The following PSD2 variants were observed in gnomAD, a reference collection of about 807,000 sequenced individuals.
PSD2 encodes PH and SEC7 domain-containing protein 2.
A neutral mutation model predicts 69.8 loss-of-function variants in PSD2; 38 were observed. The ratio of observed to expected loss-of-function variants is 0.54; its 90% confidence interval spans 0.42 to 0.71. The LOEUF (loss-of-function observed/expected upper bound fraction) is 0.71. PSD2 is among the 30% of genes least tolerant of loss of function. PSD2 has a pLI of 0.00. For synonymous variants in PSD2, 412 were observed against 423.0 expected (o/e 0.97, Z 0.32); for missense variants, 943 against 1,014.5 (o/e 0.93, Z 0.96).
At chr5:139,769,498 G>T in the PSD2 span, among the ~76,000 whole-genome samples, 1 of 151,858 alleles carries the variant, frequency 6.6e-6, no homozygotes, top group Non-Finnish European at 1.5e-5. Context: ...AGCACTTGTG[G>T]CTCCTCAGGC....
the PSD2 span, among the ~76,000 whole-genome samples, chr5:139,769,070 T>A: frequency 2.0e-5 from 3 of 151,972 alleles, no homozygotes; most frequent in Non-Finnish European, 4.4e-5. Flanking sequence ...GCAGTGATGT[T>A]GGAGAAGCAC....
the PSD2 span, among the ~76,000 whole-genome samples, chr5:139,771,936 C>T: frequency 6.6e-6 from 1 of 152,180 alleles, no homozygotes; most frequent in Non-Finnish European, 1.5e-5. Context: ...GCCTCAGAAA[C>T]GGTGTTGCGG....
intron 1 of PSD2, among the ~76,000 whole-genome samples, chr5:139,803,721 G>C (rs1469140074): frequency 6.6e-6 from 1 of 152,030 alleles, no homozygotes; most frequent in African/African-American, 2.4e-5. Flanking sequence ...GGGTTAAGAG[G>C]GTTTAGGGTC....
rs1760907193 is a variant in PSD2 at position 139,842,747 on chromosome 5, C to T, written c.*273C>T. ...TTTGTAGGCCAGTTGTGTGCATGCT[C>T]TAGACACCACCTCGCTGGAGAAGCT... is the stretch of plus-strand genomic sequence containing the variant. On this transcript the variant is annotated 3_prime_UTR_variant, in exon 15 of 15. Transcript: ENST00000274710. 2.4e-6 allele frequency: 1 copy of T among 414,444 alleles called. No homozygotes were observed. The highest frequency in any genetic ancestry group is 4.3e-6 in the Non-Finnish European group (1 of 230,092). 25.7% of individuals were successfully genotyped at this position (414,444 alleles called of 1,614,324 possible).
chr5:139,781,257 C>T, the PSD2 span, among the ~76,000 whole-genome samples: 1 of 152,196 alleles, frequency 6.6e-6, no homozygotes, highest in Non-Finnish European at 1.5e-5. Flanking sequence ...GATTACTTGA[C>T]CAGCTGCAAG....
At chr5:139,806,611 T>G (rs576037997) in intron 1 of PSD2, among the ~76,000 whole-genome samples, 1 of 152,290 alleles carries the variant, frequency 6.6e-6, no homozygotes, top group South Asian at 2.1e-4. Context: ...TCATGACGTT[T>G]AGTTTCCCAC....
In PSD2 at chr5:139,837,684, G is replaced by A. The variant is rs548797008; in HGVS notation, c.1725G>A (p.Val575=). ...SEGDLKNAIR[V]HHALATRASD... Reference sequence around the variant, plus strand: ...GTGACCTGAAGAACGCCATTCGCGTGCATCACGCTCTGGCCACCAGGGCCT... The same window carrying A: ...GTGACCTGAAGAACGCCATTCGCGTACATCACGCTCTGGCCACCAGGGCCT... The change falls in exon 12 of 15, where the codon GTG becomes GTA. Residue 575 remains valine, a synonymous_variant. Transcript: ENST00000274710. The surrounding 1 kb of genome is among the most constrained non-coding windows in gnomAD (Gnocchi z 5.0). 1.2e-6 allele frequency: 2 copies of A among 1,614,074 alleles called. No homozygotes were observed. Among genetic ancestry groups the A allele is most frequent in the African/African-American group, 1.3e-5 (1 of 75,046 alleles).
chr5:139,775,656 G>C, the PSD2 span, among the ~76,000 whole-genome samples: 1 of 152,100 alleles, frequency 6.6e-6, no homozygotes, highest in Non-Finnish European at 1.5e-5. Flanking sequence ...TTCTTCGCCT[G>C]TCTTCTCCTT....
the PSD2 span, among the ~76,000 whole-genome samples, chr5:139,765,686 G>T: frequency 6.6e-6 from 1 of 152,246 alleles, no homozygotes; most frequent in Non-Finnish European, 1.5e-5. Context: ...CGCGGCTGGG[G>T]AGAGGGTCGA....
chr5:139,797,834 C>A (rs1388677335), intron 1 of PSD2, among the ~76,000 whole-genome samples: 2 of 152,184 alleles, frequency 1.3e-5, no homozygotes, highest in Non-Finnish European at 2.9e-5. Flanking sequence ...GATACTCAGA[C>A]CTGTGTCCCC....
At chr5:139,810,056 G>T (rs758669521) in intron 2 of PSD2, among the ~76,000 whole-genome samples, 16 of 152,030 alleles carry the variant, frequency 1.1e-4, no homozygotes, top group Non-Finnish European at 1.9e-4. Flanking sequence ...GTGGATTGCA[G>T]GGGGTGGGGG....
the PSD2 span, among the ~76,000 whole-genome samples, chr5:139,762,821 G>C: frequency 6.6e-6 from 1 of 152,272 alleles, no homozygotes; most frequent in Non-Finnish European, 1.5e-5. Flanking sequence ...CTGGGGAGGT[G>C]GTGGGGCTGT....
chr5:139,751,019 GGGGATCCTTATTCAGGGC>G, the PSD2 span, among the ~76,000 whole-genome samples: 3 of 152,190 alleles, frequency 2.0e-5, no homozygotes, highest in African/African-American at 7.2e-5. Flanking sequence ...CCTCTCCCAT[GGGGATCCTTATTCAGGGC>G]CCCAAATGTT....
chr5:139,758,041 C>A, the PSD2 span, among the ~76,000 whole-genome samples: 1 of 152,132 alleles, frequency 6.6e-6, no homozygotes, highest in African/African-American at 2.4e-5. Flanking sequence ...GACCCTATTT[C>A]AAAAACAAAA....
rs201797899 is a variant in PSD2 at position 139,817,595 on chromosome 5, T to C, written c.1097+34T>C. On this transcript the variant is annotated intron_variant, in intron 5 of 14. Coordinates refer to ENST00000274710, the MANE Select transcript of PSD2 (RefSeq NM_032289.4). ...GGCTGGGACAGGCAGTGCCCACAAG[T>C]GGTACAGGCTGCACTTCTGGATTCT... 65 of 1,519,636 alleles carry C rather than the reference T, an allele frequency of 4.3e-5. No homozygotes were observed. The East Asian group carries it at 1.5e-3, about 34-fold the overall frequency. 94.1% of individuals were successfully genotyped at this position (1,519,636 alleles called of 1,614,324 possible).
chr5:139,844,046 A>G lies in PSD2; in HGVS notation c.*1572A>G, dbSNP rs1760940156. ...AGATTATTTAAGTTGGATCAGCTGAAGTGTGTTTTAGACCCAAACCATCTG... is the reference window on the plus strand; with the variant it reads ...AGATTATTTAAGTTGGATCAGCTGAGGTGTGTTTTAGACCCAAACCATCTG... On this transcript the variant is annotated 3_prime_UTR_variant, in exon 15 of 15. Transcript: ENST00000274710. 6.6e-6 allele frequency: 1 copy of G among 152,258 alleles called. No homozygotes were observed. Among genetic ancestry groups the G allele is most frequent in the African/African-American group, 2.4e-5 (1 of 41,468 alleles). 9.4% of individuals were successfully genotyped at this position (152,258 alleles called of 1,614,324 possible). A position where few individuals can be genotyped will look rare whatever the true frequency, so the allele number is the denominator to read the frequency against.
the PSD2 span, among the ~76,000 whole-genome samples, chr5:139,769,237 G>A: frequency 6.6e-6 from 1 of 152,128 alleles, no homozygotes; most frequent in Non-Finnish European, 1.5e-5. Context: ...CTAAGACCCA[G>A]GGCAAGCAGG....
chr5:139,785,197 C>CTCCTCTCCTT, the PSD2 span, among the ~76,000 whole-genome samples: 1 of 151,118 alleles, frequency 6.6e-6, no homozygotes, highest in Non-Finnish European at 1.5e-5. Flanking sequence ...CTCCTCTCCT[C>CTCCTCTCCTT]TCCTTTCCTC....
At chr5:139,769,288 G>T in the PSD2 span, among the ~76,000 whole-genome samples, 3 of 152,106 alleles carry the variant, frequency 2.0e-5, no homozygotes, top group African/African-American at 4.8e-5. Context: ...GGGGTTGGGG[G>T]AGAGGAGGAC....
Sources: allele counts gnomAD v4.1 joint callset (sites outside exome capture counted in the v4.1 genomes callset), GRCh38; gene constraint gnomAD v4.1.1; non-coding constraint Gnocchi (gnomAD v3.1); transcripts MANE v1.5; gene names NCBI Gene and HGNC (gene_info 2026-07-23, HGNC 2026-07-21).